The following NCAM2 variants were observed in gnomAD, a reference collection of about 807,000 sequenced individuals.
The protein encoded by NCAM2 is neural cell adhesion molecule 2, also known as N-CAM-2.
In NCAM2, 30 loss-of-function variants were observed where a neutral mutation model predicts 98.1. That is an observed-to-expected ratio of 0.31 (90% CI 0.23 to 0.41). The LOEUF is 0.41. Ranked by LOEUF, NCAM2 falls within the 10% of genes least tolerant of loss-of-function variation. NCAM2 has a pLI of 1.00. For missense variants in NCAM2, 867 were observed against 1,005.8 expected, an observed-to-expected ratio of 0.86 and a Z score of 1.87; for synonymous variants, 368 against 342.4, an observed-to-expected ratio of 1.07 and a Z score of -0.83.
At chr21:21,132,681 A>G (rs77827936) in intron 1 of NCAM2, among the ~76,000 whole-genome samples, 1,818 of 152,330 alleles carry the variant, frequency 0.012, 37 homozygotes, top group African/African-American at 0.042. Context: ...CAAAATAAAC[A>G]TAGATCCTGG....
intron 1 of NCAM2, among the ~76,000 whole-genome samples, chr21:21,269,714 T>C (rs2072422846): frequency 6.6e-6 from 1 of 152,192 alleles, no homozygotes; most frequent in Non-Finnish European, 1.5e-5. Context: ...ATTTTAGTGC[T>C]TCTAATTAAA....
rs951362416 is a variant in NCAM2, at chr21:21,436,972, G to A, written c.1654+4691G>A. Among the ~76,000 whole-genome samples, 7 of 151,204 alleles carry A rather than the reference G, an allele frequency of 4.6e-5. No homozygotes were observed. The South Asian group carries it at 1.3e-3, about 27-fold the overall frequency. ...TATTTTTTAGTAAAAATGTGGTTTT[G>A]CCATGTTACCCAGGCTGGTTTCAAA... is the stretch of plus-strand genomic sequence containing the variant. On this transcript the variant is annotated intron_variant, in intron 12 of 17. Coordinates refer to ENST00000400546, the MANE Select transcript of NCAM2 (RefSeq NM_004540.5).
intron 1 of NCAM2, among the ~76,000 whole-genome samples, chr21:21,077,656 A>G (rs1030101441): frequency 3.3e-5 from 5 of 152,190 alleles, no homozygotes; most frequent in Non-Finnish European, 5.9e-5. Context: ...AAGAGTAAAT[A>G]AAATAGTCTA....
chr21:21,381,392 T>G (rs1485986460), intron 9 of NCAM2, among the ~76,000 whole-genome samples: 1 of 152,144 alleles, frequency 6.6e-6, no homozygotes, highest in African/African-American at 2.4e-5. Flanking sequence ...TTCTGTTTTT[T>G]TTCCTATGTT....
At chr21:21,129,734 A>G (rs1457450943) in intron 1 of NCAM2, among the ~76,000 whole-genome samples, 2 of 152,150 alleles carry the variant, frequency 1.3e-5, no homozygotes, top group Non-Finnish European at 2.9e-5. Context: ...TTAGGTTTCA[A>G]TATATGAATT....
chr21:21,535,980 A>G (rs887650946), intron 17 of NCAM2, among the ~76,000 whole-genome samples: 3 of 152,166 alleles, frequency 2.0e-5, no homozygotes, highest in Admixed American at 1.3e-4. Flanking sequence ...GAGATATATT[A>G]TTATGCTAAC....
intron 12 of NCAM2, among the ~76,000 whole-genome samples, chr21:21,465,725 T>A (rs2146209434): frequency 6.6e-6 from 1 of 152,168 alleles, no homozygotes; most frequent in East Asian, 1.9e-4. Flanking sequence ...GGAGTTACTG[T>A]GTAAACCAGA....
chr21:21,152,749 C>T (rs764441426), intron 1 of NCAM2, among the ~76,000 whole-genome samples: 37 of 151,962 alleles, frequency 2.4e-4, no homozygotes, highest in Admixed American at 3.3e-4. Context: ...GTTCTGGTAG[C>T]GTTCCAGTTT....
intron 16 of NCAM2, among the ~76,000 whole-genome samples, chr21:21,525,310 A>G (rs774496244): frequency 6.6e-6 from 1 of 152,114 alleles, no homozygotes; most frequent in Non-Finnish European, 1.5e-5. Flanking sequence ...GAAAATACAC[A>G]AGAATATCAG....
At chr21:21,256,958 G>GAT (rs1427553466) in intron 1 of NCAM2, among the ~76,000 whole-genome samples, 4 of 152,188 alleles carry the variant, frequency 2.6e-5, no homozygotes, top group African/African-American at 9.7e-5. Flanking sequence ...TCTCTGATGA[G>GAT]ATAATTGAGT....
At chr21:21,254,553 T>C (rs73318616) in intron 1 of NCAM2, among the ~76,000 whole-genome samples, 2,671 of 152,302 alleles carry the variant, frequency 0.018, 80 homozygotes, top group African/African-American at 0.061. Context: ...TGGAGCATTA[T>C]TTTGAAAAAA....
At chr21:21,199,725 A>G (rs1448203559) in intron 1 of NCAM2, among the ~76,000 whole-genome samples, 2 of 152,236 alleles carry the variant, frequency 1.3e-5, no homozygotes, top group African/African-American at 2.4e-5. Flanking sequence ...TATGTCCAGT[A>G]TAATAGGATA....
intron 1 of NCAM2, among the ~76,000 whole-genome samples, chr21:21,221,067 C>T (rs979938780): frequency 7.9e-5 from 12 of 152,076 alleles, no homozygotes; most frequent in East Asian, 3.9e-4. Context: ...GTATCTGTTA[C>T]GGTGATCTGT....
At chr21:21,115,498 A>G (rs1028338512) in intron 1 of NCAM2, among the ~76,000 whole-genome samples, 11 of 152,184 alleles carry the variant, frequency 7.2e-5, no homozygotes, top group African/African-American at 2.4e-4. Context: ...TATTAGGTCC[A>G]TCTTGGTCCT....
intron 14 of NCAM2, among the ~76,000 whole-genome samples, chr21:21,472,489 C>A (rs967897292): frequency 2.6e-5 from 4 of 151,958 alleles, no homozygotes; most frequent in Non-Finnish European, 5.9e-5. Context: ...ACAATGAATA[C>A]TTATGGACAT....
rs532443556 is a variant in NCAM2 at position 21,028,053 on chromosome 21, G to T, written c.55+29435G>T. On this transcript the variant is annotated intron_variant, in intron 1 of 17. Transcript: ENST00000400546. ...TAATTTTGTATTTTTAGTAGAGATG[G>T]GATTCCTTCATGTTAGTCAGGCTGG... Among the ~76,000 whole-genome samples the T allele has an allele frequency of 3.3e-5, 5 of 151,998 alleles. No individual in the cohort carries two copies. The East Asian group carries it at 9.7e-4, about 29-fold the overall frequency.
At chr21:21,512,748 A>G (rs1295023476) in intron 16 of NCAM2, among the ~76,000 whole-genome samples, 4 of 152,062 alleles carry the variant, frequency 2.6e-5, no homozygotes, top group South Asian at 4.1e-4. Flanking sequence ...TTTTTGTGTC[A>G]TCTTGAAGTT....
At chr21:21,198,997 G>T (rs1290513930) in intron 1 of NCAM2, among the ~76,000 whole-genome samples, 1 of 151,948 alleles carries the variant, frequency 6.6e-6, no homozygotes, top group Non-Finnish European at 1.5e-5. Flanking sequence ...TGGTTTGCTG[G>T]AACAGTCCCA....
chr21:21,478,561 A>C (rs1213494111), intron 15 of NCAM2, among the ~76,000 whole-genome samples: 1 of 151,066 alleles, frequency 6.6e-6, no homozygotes, highest in African/African-American at 2.5e-5. Context: ...TTAATCTTTC[A>C]ATTAAAAAGT....
Sources: allele counts gnomAD v4.1 joint callset (sites outside exome capture counted in the v4.1 genomes callset), GRCh38; gene constraint gnomAD v4.1.1; transcripts MANE v1.5; gene names NCBI Gene and HGNC (gene_info 2026-07-23, HGNC 2026-07-21).